Variants in SPATA13 observed in about 807,000 individuals in gnomAD.
The protein encoded by SPATA13 is spermatogenesis-associated protein 13.
A neutral mutation model predicts 104.0 loss-of-function variants in SPATA13; 50 were observed. The ratio of observed to expected loss-of-function variants is 0.48; its 90% CI spans 0.38 to 0.61. The LOEUF (loss-of-function observed/expected upper bound fraction) is 0.61. SPATA13 is among the 20% of genes least tolerant of loss of function. The pLI, the probability that SPATA13 is intolerant of heterozygous loss-of-function variation, is 0.00. For synonymous variants in SPATA13, 606 were observed against 667.5 expected (o/e 0.91, Z 1.42); for missense variants, 1,524 against 1,690.6 (o/e 0.90, Z 1.73).
At chr13:24,189,910 C>T (rs866411360) in intron 1 of SPATA13, among the ~76,000 whole-genome samples, 8 of 85,308 alleles carry the variant, frequency 9.4e-5, no homozygotes, top group African/African-American at 3.5e-4. Flanking sequence ...AATTATATTA[C>T]ATAATATATA....
intron 2 of SPATA13, among the ~76,000 whole-genome samples, chr13:23,996,197 C>T (rs937244629): frequency 6.6e-6 from 1 of 152,210 alleles, no homozygotes; most frequent in Non-Finnish European, 1.5e-5. Flanking sequence ...CTTCACTGGG[C>T]TGACTCAAGG....
chr13:23,995,629 T>C (rs879658925), intron 2 of SPATA13, among the ~76,000 whole-genome samples: 3 of 152,224 alleles, frequency 2.0e-5, no homozygotes, highest in Admixed American at 1.3e-4. Context: ...CATTTTCATA[T>C]CTATAATCAA....
chr13:23,997,838 T>A (rs1404346462), intron 2 of SPATA13, among the ~76,000 whole-genome samples: 2 of 152,158 alleles, frequency 1.3e-5, no homozygotes, highest in Non-Finnish European at 2.9e-5. Context: ...AAGCCACTCA[T>A]GAGGGATCCA....
At chr13:24,122,846 G>T in intron 3 of SPATA13, 1 of 773,050 alleles carries the variant, frequency 1.3e-6, no homozygotes, top group South Asian at 1.3e-5. Flanking sequence ...TCTCCTCATA[G>T]AATTCTAAGA....
chr13:24,267,569 T>C (rs1399147351), intron 4 of SPATA13, among the ~76,000 whole-genome samples: 2 of 152,080 alleles, frequency 1.3e-5, no homozygotes, highest in Non-Finnish European at 2.9e-5. Flanking sequence ...TCTAAGAAAA[T>C]GAGGCCAAGA....
chr13:24,166,571 A>G (rs937018106), intron 1 of SPATA13, among the ~76,000 whole-genome samples: 3 of 152,162 alleles, frequency 2.0e-5, no homozygotes, highest in African/African-American at 7.2e-5. Flanking sequence ...CTGTGTGCCT[A>G]GGGCATGGTT....
At chr13:24,125,376 C>T (rs963317434) in intron 3 of SPATA13, among the ~76,000 whole-genome samples, 4 of 152,138 alleles carry the variant, frequency 2.6e-5, no homozygotes, top group African/African-American at 9.7e-5. Context: ...TAGGACATTT[C>T]AAGCCTCAGA....
At chr13:24,234,147 A>G (rs1379964834) in intron 2 of SPATA13, among the ~76,000 whole-genome samples, 1 of 152,192 alleles carries the variant, frequency 6.6e-6, no homozygotes, top group Non-Finnish European at 1.5e-5. Flanking sequence ...CACAGTAACC[A>G]TTTGTAATCA....
intron 3 of SPATA13, among the ~76,000 whole-genome samples, chr13:24,023,635 C>G (rs569557113): frequency 6.6e-6 from 1 of 152,078 alleles, no homozygotes; most frequent in Non-Finnish European, 1.5e-5. Flanking sequence ...AGTGTAATAA[C>G]AAGGGTCCTT....
intron 3 of SPATA13, among the ~76,000 whole-genome samples, chr13:24,101,885 A>G (rs977914252): frequency 5.3e-5 from 8 of 152,176 alleles, no homozygotes; most frequent in African/African-American, 1.9e-4. Flanking sequence ...TGGTCCATTG[A>G]TGGACACTTG....
At chr13:24,097,025 G>A (rs1044670782) in intron 3 of SPATA13, among the ~76,000 whole-genome samples, 12 of 152,232 alleles carry the variant, frequency 7.9e-5, no homozygotes, top group African/African-American at 2.9e-4. Context: ...AGCCTAGTTA[G>A]AGGTGAATGC....
chr13:24,174,069 C>G (rs1186417201), intron 1 of SPATA13, among the ~76,000 whole-genome samples: 27 of 152,140 alleles, frequency 1.8e-4, no homozygotes, highest in Non-Finnish European at 1.5e-5. Flanking sequence ...GTAGAATTCT[C>G]CAGCAAAACC....
intron 4 of SPATA13, among the ~76,000 whole-genome samples, chr13:24,280,054 C>G (rs566192767): frequency 6.6e-6 from 1 of 152,314 alleles, no homozygotes; most frequent in Non-Finnish European, 1.5e-5. Context: ...CTCTGTTGCC[C>G]AGGCTGGAGT....
chr13:24,244,394 G>T (rs1016549402), intron 2 of SPATA13, among the ~76,000 whole-genome samples: 1 of 152,212 alleles, frequency 6.6e-6, no homozygotes, highest in African/African-American at 2.4e-5. Flanking sequence ...TATTTTGTCT[G>T]AATCTTTCAT....
intron 3 of SPATA13, among the ~76,000 whole-genome samples, chr13:24,021,066 A>G (rs1204587355): frequency 6.6e-6 from 1 of 152,256 alleles, no homozygotes; most frequent in East Asian, 1.9e-4. Context: ...GGAGTGGCTC[A>G]TAAACATGTG....
intron 4 of SPATA13, among the ~76,000 whole-genome samples, chr13:24,260,825 G>T (rs1874027519): frequency 6.6e-6 from 1 of 152,226 alleles, no homozygotes; most frequent in Non-Finnish European, 1.5e-5. Flanking sequence ...AAGAGACAAT[G>T]CAGAATTCTA....
In SPATA13 at chr13:24,302,960, G is replaced by C; in HGVS notation, c.*187G>C. On this transcript the variant is annotated 3_prime_UTR_variant, in exon 13 of 13. Transcript: ENST00000382108. ...GAGACCCAGCTGCCTTTGTGGAAGG[G>C]AGGAGACGGTCATGACACAAAGCTT... The C allele has an allele frequency of 1.4e-6, 1 of 701,922 alleles. No homozygotes were observed. The highest frequency in any genetic ancestry group is 2.4e-6 in the Non-Finnish European group (1 of 420,570). 43.5% of individuals were successfully genotyped at this position (701,922 alleles called of 1,614,324 possible). A position where few individuals can be genotyped will look rare whatever the true frequency, so the allele number is the denominator to read the frequency against.
intron 3 of SPATA13, among the ~76,000 whole-genome samples, chr13:24,141,262 C>T (rs1014335985): frequency 6.6e-6 from 1 of 152,018 alleles, no homozygotes; most frequent in Admixed American, 6.6e-5. Flanking sequence ...GGGAGGATCA[C>T]TTGGGACCAG....
chr13:23,999,889 C>G (rs1875877235), intron 2 of SPATA13, among the ~76,000 whole-genome samples: 1 of 152,152 alleles, frequency 6.6e-6, no homozygotes, highest in African/African-American at 2.4e-5. Flanking sequence ...CAAAGTAGCT[C>G]TGTTATTGTT....
Sources: gnomAD v4.1 joint callset for allele counts (sites outside exome capture counted in the v4.1 genomes callset) on GRCh38, gnomAD v4.1.1 for gene constraint, MANE v1.5 for transcripts, NCBI Gene and HGNC (gene_info 2026-07-23, HGNC 2026-07-21) for gene names.